The following ZSWIM5 variants were observed in gnomAD, a reference collection of about 807,000 sequenced individuals.
The protein encoded by ZSWIM5 is zinc finger SWIM domain-containing protein 5.
In ZSWIM5, 55 loss-of-function variants were observed where a neutral mutation model predicts 119.6. The observed-to-expected ratio is 0.46, with a 90% CI of 0.37 to 0.58. ZSWIM5 has a LOEUF of 0.58. ZSWIM5 is among the 20% of genes least tolerant of loss of function. The pLI, the probability that ZSWIM5 is intolerant of heterozygous loss-of-function variation, is 0.00. For missense variants in ZSWIM5, 1,193 were observed against 1,512.8 expected (o/e 0.79, Z 3.51); for synonymous variants, 537 against 606.9 (o/e 0.88, Z 1.69).
At chr1:45,196,384 CTTTTTTT>C (rs767673983) in intron 1 of ZSWIM5, among the ~76,000 whole-genome samples, 115 of 76,384 alleles carry the variant, frequency 1.5e-3, no homozygotes, top group African/African-American at 4.6e-3. Flanking sequence ...CCCACAATTC[CTTTTTTT>C]TTTTTTTTTT....
intron 1 of ZSWIM5, among the ~76,000 whole-genome samples, chr1:45,165,896 G>C (rs1645898925): frequency 6.6e-6 from 1 of 152,060 alleles, no homozygotes; most frequent in Non-Finnish European, 1.5e-5. Context: ...GTACAATGAG[G>C]AGCTGGTACC....
intron 1 of ZSWIM5, among the ~76,000 whole-genome samples, chr1:45,097,556 C>T (rs1030410547): frequency 2.0e-5 from 3 of 152,104 alleles, no homozygotes; most frequent in Non-Finnish European, 2.9e-5. Context: ...AAAGAAGTTA[C>T]GTGATTTGCC....
intron 1 of ZSWIM5, among the ~76,000 whole-genome samples, chr1:45,153,012 C>T (rs1488154773): frequency 6.6e-6 from 1 of 150,522 alleles, no homozygotes; most frequent in Non-Finnish European, 1.5e-5. Flanking sequence ...TACTCAACAT[C>T]ACTAATCATC....
chr1:45,140,823 T>C (rs1248747618), intron 1 of ZSWIM5, among the ~76,000 whole-genome samples: 2 of 152,250 alleles, frequency 1.3e-5, no homozygotes, highest in Non-Finnish European at 2.9e-5. Context: ...TATTTGAAGA[T>C]GCTGAAAAGT....
chr1:45,146,699 CA>C (rs35265870), intron 1 of ZSWIM5, among the ~76,000 whole-genome samples: 24,195 of 151,770 alleles, frequency 0.16, 2,588 homozygotes, highest in African/African-American at 0.3. Flanking sequence ...CTCAGCCTTC[CA>C]AAGTTGTTTC....
intron 1 of ZSWIM5, among the ~76,000 whole-genome samples, chr1:45,111,140 G>A (rs1389972413): frequency 6.6e-6 from 1 of 152,098 alleles, no homozygotes; most frequent in Non-Finnish European, 1.5e-5. Context: ...AAGTCTAGGG[G>A]GCTCAGGAAA....
intron 1 of ZSWIM5, among the ~76,000 whole-genome samples, chr1:45,174,666 C>G (rs750490225): frequency 6.6e-6 from 1 of 151,804 alleles, no homozygotes; most frequent in Non-Finnish European, 1.5e-5. Context: ...CTTGAACCTG[C>G]AAGGTGGAGT....
chr1:45,050,735 C>A (rs1302657632), intron 5 of ZSWIM5, among the ~76,000 whole-genome samples: 1 of 152,142 alleles, frequency 6.6e-6, no homozygotes, highest in Admixed American at 6.5e-5. Flanking sequence ...TAAGTTAGGT[C>A]TCAGCTAAAA....
chr1:45,197,842 A>T lies in ZSWIM5; in HGVS notation c.595+7914T>A, dbSNP rs1570212180. ...TCAGAGAAACATGAATACTGCTAAA[A>T]TTGAAGCAAGAACAAATACCAAATT... On this transcript the variant is annotated intron_variant, in intron 1 of 13. Transcript: ENST00000359600. Among the ~76,000 whole-genome samples the T allele has an allele frequency of 3.3e-5, 5 of 152,374 alleles. No homozygotes were observed. The South Asian group carries it at 1.0e-3, about 32-fold the overall frequency.
intron 1 of ZSWIM5, among the ~76,000 whole-genome samples, chr1:45,157,665 T>C (rs1225311526): frequency 1.3e-5 from 2 of 151,750 alleles, no homozygotes; most frequent in South Asian, 2.1e-4. Context: ...ACAGGTTTTT[T>C]TGTTGACATT....
chr1:45,064,142 T>A (rs1420987061), intron 2 of ZSWIM5, among the ~76,000 whole-genome samples: 1 of 152,230 alleles, frequency 6.6e-6, no homozygotes, highest in African/African-American at 2.4e-5. Context: ...GCCCATCTTA[T>A]TACGCTCATG....
At position 45,088,337 on chromosome 1, in the gene ZSWIM5, G is replaced by A; in HGVS notation, c.596-100C>T. ...TCATCAATTCATAAATTATGTATTGGGTATCTCCTACACACGTACATGATA... is the reference window on the plus strand; with the variant it reads ...TCATCAATTCATAAATTATGTATTGAGTATCTCCTACACACGTACATGATA... On this transcript the variant is annotated intron_variant, in intron 1 of 13. Coordinates refer to ENST00000359600, the MANE Select transcript of ZSWIM5 (RefSeq NM_020883.2). This position sits in a 1 kb window ranked among gnomAD's most constrained non-coding sequence, Gnocchi z 4.2. The A allele has an allele frequency of 1.2e-6, 1 of 849,860 alleles. No individual in the cohort carries two copies. The highest frequency in any genetic ancestry group is 1.7e-5 in the African/African-American group (1 of 58,544). 52.6% of individuals were successfully genotyped at this position (849,860 alleles called of 1,614,324 possible).
chr1:45,130,393 C>A (rs1252119727), intron 1 of ZSWIM5, among the ~76,000 whole-genome samples: 4 of 143,892 alleles, frequency 2.8e-5, no homozygotes, highest in South Asian at 4.5e-4. Context: ...CACACACACA[C>A]AAAACCCAAA....
At chr1:45,113,481 G>A (rs992591357) in intron 1 of ZSWIM5, among the ~76,000 whole-genome samples, 1 of 152,114 alleles carries the variant, frequency 6.6e-6, no homozygotes, top group African/African-American at 2.4e-5. Context: ...TGGGACTGCA[G>A]GTACATGCCA....
intron 1 of ZSWIM5, among the ~76,000 whole-genome samples, chr1:45,120,275 G>C (rs948898455): frequency 3.3e-5 from 5 of 152,108 alleles, no homozygotes; most frequent in Admixed American, 2.6e-4. Flanking sequence ...ACCCCGGAGG[G>C]GGAGGTCGCA....
At position 45,024,741 on chromosome 1, in the gene ZSWIM5, G is replaced by A. The variant is rs144087958; in HGVS notation, c.2450-3953C>T. Among the ~76,000 whole-genome samples, 1,504 of 152,056 alleles carry A rather than the reference G, an allele frequency of 9.9e-3. 26 individuals carry two copies. The highest frequency in any genetic ancestry group is 0.035 in the African/African-American group (1,433 of 41,466). ...GCGATCTTGGCTAACTGCAACCTCCGCCTCCTGGGTTAAAGATATTCTCCT... is the reference window on the plus strand; with the variant it reads ...GCGATCTTGGCTAACTGCAACCTCCACCTCCTGGGTTAAAGATATTCTCCT... On this transcript the variant is annotated intron_variant, in intron 11 of 13. Transcript: ENST00000359600.
At chr1:45,164,925 AG>A (rs1336119388) in intron 1 of ZSWIM5, among the ~76,000 whole-genome samples, 5 of 152,254 alleles carry the variant, frequency 3.3e-5, no homozygotes, top group African/African-American at 1.2e-4. Context: ...AAAGTTAACA[AG>A]GTTACCCAGG....
chr1:45,049,589 C>T (rs991831265), intron 5 of ZSWIM5, among the ~76,000 whole-genome samples: 2 of 152,002 alleles, frequency 1.3e-5, no homozygotes, highest in East Asian at 1.9e-4. Context: ...GAGGCCAAGA[C>T]GGGCAGATCA....
intron 2 of ZSWIM5, among the ~76,000 whole-genome samples, chr1:45,078,857 G>A (rs1479850451): frequency 6.6e-6 from 1 of 152,162 alleles, no homozygotes. Flanking sequence ...CTGTTCCATT[G>A]TACTGTGGCT....
Sources: allele counts gnomAD v4.1 joint callset (sites outside exome capture counted in the v4.1 genomes callset), GRCh38; gene constraint gnomAD v4.1.1; non-coding constraint Gnocchi (gnomAD v3.1); transcripts MANE v1.5; gene names NCBI Gene and HGNC (gene_info 2026-07-23, HGNC 2026-07-21).